Variants in GADL1 observed in about 807,000 individuals in gnomAD.
The protein encoded by GADL1 is GAD like acidic amino acid decarboxylase 1.
A neutral mutation model predicts 69.5 loss-of-function variants in GADL1; 71 were observed. The ratio of observed to expected loss-of-function variants is 1.02; its 90% CI spans 0.84 to 1.25. The LOEUF (loss-of-function observed/expected upper bound fraction) is 1.25. GADL1 is among the 50% of genes most tolerant of loss of function. GADL1 has a pLI of 0.00. For synonymous variants in GADL1, 254 were observed against 214.4 expected, an observed-to-expected ratio of 1.18 and a Z score of -1.62; for missense variants, 737 against 631.8, an observed-to-expected ratio of 1.17 and a Z score of -1.79.
rs1212462680 is a variant in GADL1, at chr3:30,727,347, C to A, written c.*895G>T. The stretch of plus-strand genomic sequence containing the variant: ...CAGTTTATTAATTTATTAATAGAAC[C>A]TGTATTTTTCTGTCAATTATTGTGC... On this transcript the variant is annotated 3_prime_UTR_variant, in exon 15 of 15. Coordinates refer to ENST00000282538, the MANE Select transcript of GADL1 (RefSeq NM_207359.3). 6.7e-6 allele frequency: 1 copy of A among 148,870 alleles called. No individual in the cohort carries two copies. 9.2% of individuals were successfully genotyped at this position (148,870 alleles called of 1,614,324 possible).
chr3:30,741,036 A>G (rs1695616210), intron 14 of GADL1, among the ~76,000 whole-genome samples: 1 of 136,810 alleles, frequency 7.3e-6, no homozygotes, highest in Admixed American at 7.8e-5. Flanking sequence ...ATTATATAAT[A>G]TATATTTGAT....
At chr3:30,841,894 C>A (rs1444940366) in intron 8 of GADL1, among the ~76,000 whole-genome samples, 1 of 152,122 alleles carries the variant, frequency 6.6e-6, no homozygotes, top group Non-Finnish European at 1.5e-5. Flanking sequence ...CAACTTAAAT[C>A]TCATTGAGTC....
At chr3:30,822,672 G>C (rs1697606461) in intron 11 of GADL1, among the ~76,000 whole-genome samples, 1 of 151,958 alleles carries the variant, frequency 6.6e-6, no homozygotes, top group Admixed American at 6.6e-5. Flanking sequence ...GACTCTGACA[G>C]TGTGATCATA....
At chr3:30,844,169 A>G (rs1489253000) in intron 8 of GADL1, 41 bp downstream of exon 8, 1 of 1,516,812 alleles carries the variant, frequency 6.6e-7, no homozygotes, top group South Asian at 1.2e-5. Context: ...GTGCGCGCAC[A>G]CACACACGTT....
chr3:30,880,641 G>A lies in GADL1; in HGVS notation c.37+13937C>T, dbSNP rs540492815. The stretch of plus-strand genomic sequence containing the variant: ...CAGTCTCAGGTATATCCTTATAGCA[G>A]TTTGAGAATGGACTAATACATATGC... On this transcript the variant is annotated intron_variant, in intron 1 of 14. Coordinates refer to ENST00000282538, the MANE Select transcript of GADL1 (RefSeq NM_207359.3). 2.0e-4 allele frequency among the ~76,000 whole-genome samples: 31 copies of A among 151,958 alleles called. 1 individual carries two copies. In the South Asian group the frequency reaches 4.4e-3, roughly 21 times the overall value.
intron 13 of GADL1, among the ~76,000 whole-genome samples, chr3:30,782,992 G>A (rs888028327): frequency 2.6e-5 from 4 of 152,122 alleles, no homozygotes; most frequent in African/African-American, 7.2e-5. Flanking sequence ...CATATTAGTA[G>A]GTTCACTATT....
At chr3:30,767,834 A>G (rs1454288920) in intron 14 of GADL1, among the ~76,000 whole-genome samples, 1 of 152,220 alleles carries the variant, frequency 6.6e-6, no homozygotes, top group Non-Finnish European at 1.5e-5. Context: ...CTACAAAGAC[A>G]GCTTTAAAAC....
At position 30,753,572 on chromosome 3, in the gene GADL1, A is replaced by C. The variant is rs558885356; in HGVS notation, c.1392+24607T>G. Among the ~76,000 whole-genome samples, 107 of 151,990 alleles carry C rather than the reference A, an allele frequency of 7.0e-4. No homozygotes were observed. In the Middle Eastern group the frequency reaches 0.014, roughly 19 times the overall value. On this transcript the variant is annotated intron_variant, in intron 14 of 14. Transcript: ENST00000282538. ...GCTATTCTGTCATTGAGCTCTTTCA[A>C]ACAAGCGTCGGAAGACCAACAGACT... is the stretch of plus-strand genomic sequence containing the variant.
intron 13 of GADL1, among the ~76,000 whole-genome samples, chr3:30,785,531 G>A (rs1319163675): frequency 6.6e-6 from 1 of 151,958 alleles, no homozygotes. Context: ...ACAAGCATGA[G>A]CCACCACGCT....
At chr3:30,779,775 C>T (rs1051575624) in intron 13 of GADL1, among the ~76,000 whole-genome samples, 1 of 152,218 alleles carries the variant, frequency 6.6e-6, no homozygotes, top group Non-Finnish European at 1.5e-5. Flanking sequence ...TATTGCCTCT[C>T]AGCCAGAAAT....
intron 1 of GADL1, among the ~76,000 whole-genome samples, chr3:30,874,770 A>G (rs1698553830): frequency 6.6e-6 from 1 of 152,128 alleles, no homozygotes; most frequent in East Asian, 1.9e-4. Flanking sequence ...ATACAAAACA[A>G]CAACTCTTTG....
rs553570921 is a variant in GADL1, at chr3:30,735,276, G to A, written c.1393-6861C>T. 9.2e-5 allele frequency among the ~76,000 whole-genome samples: 14 copies of A among 152,164 alleles called. No individual in the cohort carries two copies. In the South Asian group the frequency reaches 2.3e-3, roughly 25 times the overall value. On this transcript the variant is annotated intron_variant, in intron 14 of 14. Coordinates refer to ENST00000282538, the MANE Select transcript of GADL1 (RefSeq NM_207359.3). ...ACATTTTTCTTAAAAATGCCAAATCGAATGAAATCATTCACTCTATTTTCT... is the reference window on the plus strand; with the variant it reads ...ACATTTTTCTTAAAAATGCCAAATCAAATGAAATCATTCACTCTATTTTCT...
At chr3:30,834,419 C>T in intron 9 of GADL1, 138 bp from the exon 10 acceptor site, 1 of 697,970 alleles carries the variant, frequency 1.4e-6, no homozygotes, top group Non-Finnish European at 2.5e-6. Context: ...AATTTGTACC[C>T]CAGGAAATTC....
chr3:30,874,908 C>T (rs888122362), intron 1 of GADL1, among the ~76,000 whole-genome samples: 5 of 152,038 alleles, frequency 3.3e-5, no homozygotes, highest in East Asian at 1.9e-4. Context: ...GCAGCACCAA[C>T]GTACATAATT....
At chr3:30,836,606 TAATA>T (rs933026318) in intron 9 of GADL1, among the ~76,000 whole-genome samples, 3 of 152,116 alleles carry the variant, frequency 2.0e-5, no homozygotes, top group Non-Finnish European at 4.4e-5. Context: ...TTTAATTAGT[TAATA>T]AATTAATAGT....
In GADL1 at chr3:30,798,102, G is replaced by A. The variant is rs568840429; in HGVS notation, c.1250+2787C>T. ...GTGCTTCCACACTGCCTTTCCCTTC[G>A]AGACTTAAGCTGCCGCCACAACTCA... On this transcript the variant is annotated intron_variant, in intron 12 of 14. Transcript: ENST00000282538. The A allele has an allele frequency of 2.0e-4, 30 of 152,172 alleles. 1 individual carries two copies. The highest frequency in any genetic ancestry group is 6.7e-4 in the African/African-American group (28 of 41,516). The allele number at this position is 152,172 out of a possible 1,614,324, so 9.4% of individuals were successfully genotyped here. A position where few individuals can be genotyped will look rare whatever the true frequency, so the allele number is the denominator to read the frequency against.
intron 13 of GADL1, among the ~76,000 whole-genome samples, chr3:30,782,419 G>C (rs1330484772): frequency 6.6e-6 from 1 of 152,052 alleles, no homozygotes; most frequent in East Asian, 1.9e-4. Flanking sequence ...GGGAAGAAAA[G>C]GAGATAGTAA....
intron 13 of GADL1, among the ~76,000 whole-genome samples, chr3:30,785,382 C>CTTT (rs71093938): frequency 8.0e-6 from 1 of 124,454 alleles, no homozygotes; most frequent in Non-Finnish European, 1.5e-5. Context: ...ATTTCTTTTT[C>CTTT]TTTTTTTTTT....
Position 30,782,643 on chromosome 3 carries a change from T to C in GADL1, c.1302+3712A>G, listed in dbSNP as rs140965613. The stretch of plus-strand genomic sequence containing the variant: ...TGAAGACATACAAAGAGGCTATTGA[T>C]AACAAAGTTCTGAATGTGAAGACAT... On this transcript the variant is annotated intron_variant, in intron 13 of 14. Coordinates refer to ENST00000282538, the MANE Select transcript of GADL1 (RefSeq NM_207359.3). 4.7e-3 allele frequency among the ~76,000 whole-genome samples: 721 copies of C among 152,258 alleles called. 6 individuals are homozygous for C. The highest frequency in any genetic ancestry group is 0.017 in the African/African-American group (694 of 41,550).
Sources: gnomAD v4.1 joint callset for allele counts (sites outside exome capture counted in the v4.1 genomes callset) on GRCh38, gnomAD v4.1.1 for gene constraint, MANE v1.5 for transcripts, NCBI Gene and HGNC (gene_info 2026-07-23, HGNC 2026-07-21) for gene names.